The following WWP2 variants were observed in gnomAD, a reference collection of about 807,000 sequenced individuals.
The protein encoded by WWP2 is WW domain containing E3 ubiquitin protein ligase 2.
Under a neutral mutation model 121.0 loss-of-function variants are expected in WWP2, and 57 were observed. That is an observed-to-expected ratio of 0.47 (90% CI 0.38 to 0.59). WWP2 has a LOEUF of 0.59. Ranked by LOEUF, WWP2 falls within the 20% of genes least tolerant of loss-of-function variation. The probability of loss-of-function intolerance (pLI) is 0.00; values close to 1 mark genes in which losing one functional copy is unlikely to be tolerated. For synonymous variants in WWP2, 449 were observed against 441.3 expected (o/e 1.02, Z -0.22); for missense variants, 962 against 1,158.9 (o/e 0.83, Z 2.47).
chr16:69,822,079 C>T (rs1309054221), intron 4 of WWP2, among the ~76,000 whole-genome samples: 1 of 152,064 alleles, frequency 6.6e-6, no homozygotes, highest in Non-Finnish European at 1.5e-5. Context: ...GTTGCCTGAG[C>T]TGGTCTCAAA....
At chr16:69,908,305 C>A (rs1343775236) in intron 8 of WWP2, among the ~76,000 whole-genome samples, 1 of 152,010 alleles carries the variant, frequency 6.6e-6, no homozygotes, top group East Asian at 1.9e-4. Context: ...GACGAAAAAG[C>A]CTGGAGGGCC....
chr16:69,899,186 C>T (rs1453769716), intron 8 of WWP2, among the ~76,000 whole-genome samples: 6 of 151,982 alleles, frequency 3.9e-5, no homozygotes, highest in Non-Finnish European at 7.4e-5. Flanking sequence ...TGTGTTTTGT[C>T]TAAAATTCTT....
intron 8 of WWP2, chr16:69,890,840 C>T (rs1437763980): frequency 6.6e-6 from 1 of 152,128 alleles, no homozygotes; most frequent in Non-Finnish European, 1.5e-5. Context: ...AAGCCGATTC[C>T]CCTCCCTCAT....
chr16:69,923,976 G>A (rs780149223), intron 10 of WWP2, among the ~76,000 whole-genome samples: 15 of 151,554 alleles, frequency 9.9e-5, no homozygotes, highest in African/African-American at 7.3e-5. Flanking sequence ...ATGATTCAAC[G>A]TGATTTGTGA....
At chr16:69,779,864 G>T (rs78419136) in intron 1 of WWP2, among the ~76,000 whole-genome samples, 3 of 152,024 alleles carry the variant, frequency 2.0e-5, no homozygotes, top group African/African-American at 7.2e-5. Flanking sequence ...TTCAAGATAC[G>T]ATCTTTTGCT....
chr16:69,914,071 CAAAAAAAAAAAAAAAAA>C (rs34269202), intron 9 of WWP2, among the ~76,000 whole-genome samples: 15 of 32,212 alleles, frequency 4.7e-4, no homozygotes, highest in Non-Finnish European at 4.5e-4. Flanking sequence ...GACTCTGTCT[CAAAAAAAAAAAAAAAAA>C]AAAAAAAAAA....
intron 5 of WWP2, among the ~76,000 whole-genome samples, chr16:69,841,051 A>G (rs1051311145): frequency 2.0e-5 from 3 of 152,192 alleles, no homozygotes; most frequent in African/African-American, 7.2e-5. Context: ...CTTGGAGAAA[A>G]ACATGTGTCA....
chr16:69,882,318 C>A (rs1232461857), intron 7 of WWP2, among the ~76,000 whole-genome samples: 1 of 152,156 alleles, frequency 6.6e-6, no homozygotes, highest in Non-Finnish European at 1.5e-5. Flanking sequence ...TTTCAAATAT[C>A]TTTCTTTTAT....
chr16:69,834,564 G>A (rs1433477869), intron 4 of WWP2, among the ~76,000 whole-genome samples: 1 of 135,712 alleles, frequency 7.4e-6, no homozygotes, highest in Non-Finnish European at 1.6e-5. Flanking sequence ...TTTCGCTCTT[G>A]TTGCCCAGGC....
At chr16:69,908,979 G>A (rs1262739538) in intron 9 of WWP2, 129 bp downstream of exon 9, 5 of 1,489,532 alleles carry the variant, frequency 3.4e-6, no homozygotes, top group African/African-American at 1.4e-5. Flanking sequence ...TCACTTGATT[G>A]CTTTTCCTAT....
intron 2 of WWP2, among the ~76,000 whole-genome samples, chr16:69,794,704 T>C (rs1346725110): frequency 6.6e-6 from 1 of 152,220 alleles, no homozygotes; most frequent in Non-Finnish European, 1.5e-5. Context: ...ATTTGCTGCA[T>C]TCTTTAAAAC....
chr16:69,834,685 C>T (rs2056845614), intron 4 of WWP2, among the ~76,000 whole-genome samples: 1 of 151,256 alleles, frequency 6.6e-6, no homozygotes, highest in Non-Finnish European at 1.5e-5. Flanking sequence ...CGCTACCACA[C>T]CCAGCTCATG....
chr16:69,845,775 C>T (rs941014354), intron 6 of WWP2, among the ~76,000 whole-genome samples: 9 of 151,900 alleles, frequency 5.9e-5, no homozygotes, highest in Non-Finnish European at 1.0e-4. Flanking sequence ...GAAGCCTGGG[C>T]GTGGTGGCTC....
intron 8 of WWP2, among the ~76,000 whole-genome samples, chr16:69,904,463 G>A (rs1773567816): frequency 6.6e-6 from 1 of 151,802 alleles, no homozygotes; most frequent in African/African-American, 2.4e-5. Flanking sequence ...CCAACTCCTG[G>A]GCTCAAGTGA....
chr16:69,828,069 C>CTT, intron 4 of WWP2: 3 of 314,624 alleles, frequency 9.5e-6, no homozygotes, highest in Non-Finnish European at 1.9e-5. Context: ...TGCATATGTA[C>CTT]TTTTTTTTTT....
chr16:69,774,485 G>A (rs771788124), intron 1 of WWP2, among the ~76,000 whole-genome samples: 1 of 152,108 alleles, frequency 6.6e-6, no homozygotes. Flanking sequence ...TCGAACTCCT[G>A]GATTCAAGTG....
chr16:69,926,258 G>C (rs2058638472), intron 11 of WWP2, among the ~76,000 whole-genome samples: 1 of 152,196 alleles, frequency 6.6e-6, no homozygotes, highest in African/African-American at 2.4e-5. Context: ...ATTTGATAGA[G>C]CTGGGGCAGA....
intron 1 of WWP2, among the ~76,000 whole-genome samples, chr16:69,765,956 C>G (rs2038719261): frequency 6.6e-6 from 1 of 152,106 alleles, no homozygotes; most frequent in South Asian, 2.1e-4. Flanking sequence ...AACCATTGCA[C>G]CTGGCTCAGT....
rs983513981 is a variant in WWP2 at position 69,889,462 on chromosome 16, G to C, written c.914+1213G>C. ...GGACCTGTGAATCAGACAGCTCTGG[G>C]TTTGAATCCCCCCACCATGTGACCT... On this transcript the variant is annotated intron_variant, in intron 8 of 23. Transcript: ENST00000359154. 3.3e-5 allele frequency among the ~76,000 whole-genome samples: 5 copies of C among 152,224 alleles called. 1 individual carries two copies. Among genetic ancestry groups the C allele is most frequent in the African/African-American group, 1.2e-4 (5 of 41,456 alleles).
Sources: gnomAD v4.1 joint callset for allele counts (sites outside exome capture counted in the v4.1 genomes callset) on GRCh38, gnomAD v4.1.1 for gene constraint, MANE v1.5 for transcripts, NCBI Gene and HGNC (gene_info 2026-07-23, HGNC 2026-07-21) for gene names.